MAP4K3: variants seen among roughly 807,000 people sequenced by gnomAD.
MAP4K3 encodes the protein MAPK/ERK kinase kinase kinase 3.
In MAP4K3, 94 loss-of-function variants were observed where a neutral mutation model predicts 143.5. That is an observed-to-expected ratio of 0.65 (90% CI 0.55 to 0.78). The LOEUF (loss-of-function observed/expected upper bound fraction) is 0.78. Ranked by LOEUF, MAP4K3 falls within the 30% of genes least tolerant of loss-of-function variation. The probability of loss-of-function intolerance (pLI) is 0.00; values close to 1 mark genes in which losing one functional copy is unlikely to be tolerated. For synonymous variants in MAP4K3, 416 were observed against 347.2 expected (o/e 1.20, Z -2.20); for missense variants, 1,077 against 1,068.1 (o/e 1.01, Z -0.12).
intron 3 of MAP4K3, 94 bp downstream of exon 3, chr2:39,356,155 C>A: frequency 1.4e-6 from 1 of 715,354 alleles, no homozygotes; most frequent in African/African-American, 1.8e-5. Context: ...TGAAGAAAAA[C>A]TACAAAACAT....
chr2:39,418,665 A>G (rs1056184041), intron 1 of MAP4K3, among the ~76,000 whole-genome samples: 5 of 152,170 alleles, frequency 3.3e-5, no homozygotes, highest in Non-Finnish European at 7.4e-5. Context: ...GCCAGTGATA[A>G]ATTATGTCAA....
In MAP4K3 at chr2:39,436,429, G is replaced by C. The variant is rs1409618015; in HGVS notation, c.96+463C>G. 5.3e-5 allele frequency among the ~76,000 whole-genome samples: 8 copies of C among 152,186 alleles called. No individual in the cohort carries two copies. The East Asian group carries it at 5.8e-4, about 11-fold the overall frequency. ...TGGAAGATGGAGGTCGCTCAGCATAGTATAATAACTACCACCGAGGCCTGG... is the reference window on the plus strand; with the variant it reads ...TGGAAGATGGAGGTCGCTCAGCATACTATAATAACTACCACCGAGGCCTGG... On this transcript the variant is annotated intron_variant, in intron 1 of 33. Coordinates refer to ENST00000263881, the MANE Select transcript of MAP4K3 (RefSeq NM_003618.4).
chr2:39,429,916 C>T (rs919031267), intron 1 of MAP4K3, among the ~76,000 whole-genome samples: 1 of 152,138 alleles, frequency 6.6e-6, no homozygotes, highest in African/African-American at 2.4e-5. Flanking sequence ...TGTGTACTGT[C>T]AACTGATTTT....
At chr2:39,295,955 G>A (rs1682266160) in intron 16 of MAP4K3, among the ~76,000 whole-genome samples, 1 of 152,102 alleles carries the variant, frequency 6.6e-6, no homozygotes. Context: ...CCGGCCTCAA[G>A]TGATCCACCC....
intron 24 of MAP4K3, among the ~76,000 whole-genome samples, chr2:39,274,733 T>A (rs1297010915): frequency 1.3e-5 from 2 of 152,226 alleles, no homozygotes; most frequent in African/African-American, 4.8e-5. Context: ...AATCTCTGTC[T>A]CAGTGTTCTT....
chr2:39,404,032 A>G (rs575067428), intron 1 of MAP4K3, among the ~76,000 whole-genome samples: 1 of 152,106 alleles, frequency 6.6e-6, no homozygotes, highest in Non-Finnish European at 1.5e-5. Context: ...AGGATCCAGT[A>G]TCTGCTGACT....
intron 2 of MAP4K3, 30 bp from the exon 3 acceptor site, chr2:39,356,369 T>G: frequency 7.8e-7 from 1 of 1,279,392 alleles, no homozygotes; most frequent in Non-Finnish European, 1.1e-6. Context: ...TGTTGAATAT[T>G]TAGAGGTAAG....
At chr2:39,333,707 TGTC>T (rs1205526895) in intron 6 of MAP4K3, 133 bp from the exon 7 acceptor site, 1 of 498,248 alleles carries the variant, frequency 2.0e-6, no homozygotes, top group Non-Finnish European at 3.5e-6. Context: ...TTAATTAAAA[TGTC>T]GTATCATTAG....
chr2:39,270,079 G>C (rs564538900), intron 26 of MAP4K3, among the ~76,000 whole-genome samples: 17 of 152,274 alleles, frequency 1.1e-4, no homozygotes, highest in Middle Eastern at 3.4e-3. Context: ...TTGTGAACTT[G>C]TGTCCTAGCT....
intron 1 of MAP4K3, among the ~76,000 whole-genome samples, chr2:39,389,873 T>TA (rs548827549): frequency 6.6e-6 from 1 of 152,106 alleles, no homozygotes; most frequent in Non-Finnish European, 1.5e-5. Context: ...TTGATGACTG[T>TA]AAAAAAACAA....
At chr2:39,324,765 T>C (rs1220590769) in intron 12 of MAP4K3, among the ~76,000 whole-genome samples, 1 of 152,204 alleles carries the variant, frequency 6.6e-6, no homozygotes, top group Admixed American at 6.5e-5. Context: ...TTTATCTTGG[T>C]TGCCACAACT....
intron 1 of MAP4K3, among the ~76,000 whole-genome samples, chr2:39,399,500 G>T (rs1666898279): frequency 6.6e-6 from 1 of 152,124 alleles, no homozygotes; most frequent in South Asian, 2.1e-4. Flanking sequence ...TTCCATCTTT[G>T]AGGTGACCTG....
chr2:39,359,481 G>C (rs7581692), intron 2 of MAP4K3, among the ~76,000 whole-genome samples: 104,682 of 152,120 alleles, frequency 0.69, 39,931 homozygotes, highest in Non-Finnish European at 0.85. Context: ...GCTGTCAGTG[G>C]ATCTACCATT....
rs1665609944 is a variant in MAP4K3, at chr2:39,356,350, A to C, written c.155-11T>G. On this transcript the variant is annotated splice_polypyrimidine_tract_variant and intron_variant, in intron 2 of 33. Transcript: ENST00000263881. ...CTGCAAAGTCTTCTCCTGGAATAAA[A>C]AACAAGCATGTTGAATATTTAGAGG... 6.8e-7 allele frequency: 1 copy of C among 1,479,912 alleles called. No homozygotes were observed. The highest frequency in any genetic ancestry group is 9.4e-7 in the Non-Finnish European group (1 of 1,069,482). The allele number at this position is 1,479,912 out of a possible 1,614,324, so 91.7% of individuals were successfully genotyped here. A position where few individuals can be genotyped will look rare whatever the true frequency, so the allele number is the denominator to read the frequency against.
intron 2 of MAP4K3, among the ~76,000 whole-genome samples, chr2:39,367,959 A>T (rs1665970061): frequency 6.6e-6 from 1 of 152,274 alleles, no homozygotes; most frequent in African/African-American, 2.4e-5. Context: ...CTCTAGTGCA[A>T]ATGGATTGTG....
rs548001680 is a variant in MAP4K3 at position 39,348,862 on chromosome 2, C to T, written c.246-5410G>A. Among the ~76,000 whole-genome samples, 45 of 152,262 alleles carry T rather than the reference C, an allele frequency of 3.0e-4. No individual in the cohort carries two copies. In the South Asian group the frequency reaches 8.9e-3, roughly 30 times the overall value. On this transcript the variant is annotated intron_variant, in intron 3 of 33. Transcript: ENST00000263881. Reference sequence around the variant, plus strand: ...TCTGAAATTCTTATAATTCCTAAAACACACTTTTTAATCTTCCCACATTTT... The same window carrying T: ...TCTGAAATTCTTATAATTCCTAAAATACACTTTTTAATCTTCCCACATTTT...
chr2:39,391,358 C>A (rs75643765), intron 1 of MAP4K3, among the ~76,000 whole-genome samples: 23 of 45,424 alleles, frequency 5.1e-4, no homozygotes, highest in African/African-American at 1.5e-3. Context: ...GACTCCATCT[C>A]AAAAAAAAAA....
intron 2 of MAP4K3, among the ~76,000 whole-genome samples, chr2:39,359,709 T>A (rs1665712227): frequency 6.6e-6 from 1 of 152,232 alleles, no homozygotes; most frequent in South Asian, 2.1e-4. Flanking sequence ...CAGTTCTTGG[T>A]TTCTGTGCAC....
intron 29 of MAP4K3, among the ~76,000 whole-genome samples, chr2:39,260,040 G>C (rs1354203388): frequency 6.6e-6 from 1 of 152,142 alleles, no homozygotes; most frequent in Non-Finnish European, 1.5e-5. Context: ...TTGAGGATCA[G>C]ATCCTTATAT....
Sources: gnomAD v4.1 joint callset for allele counts (sites outside exome capture counted in the v4.1 genomes callset) on GRCh38, gnomAD v4.1.1 for gene constraint, MANE v1.5 for transcripts, NCBI Gene and HGNC (gene_info 2026-07-23, HGNC 2026-07-21) for gene names.